Variants in MAFF observed in about 807,000 individuals in gnomAD.
MAFF encodes MAF bZIP transcription factor F.
In MAFF, 4 loss-of-function variants were observed where a neutral mutation model predicts 2.7. The ratio of observed to expected loss-of-function variants is 1.48; its 90% confidence interval spans 0.73 to 3.39. The LOEUF (loss-of-function observed/expected upper bound fraction) is 3.39, where lower values mean the gene tolerates loss of function less well. MAFF is among the 30% of genes most tolerant of loss of function. MAFF has a pLI of 0.01. For synonymous variants in MAFF, 113 were observed against 119.4 expected (o/e 0.95, Z 0.35); for missense variants, 190 against 246.6 (o/e 0.77, Z 1.54).
At chr22:38,206,225 A>G (rs1209183131) in intron 1 of MAFF, among the ~76,000 whole-genome samples, 1 of 151,990 alleles carries the variant, frequency 6.6e-6, no homozygotes, top group Non-Finnish European at 1.5e-5. Context: ...AGAAAGACTC[A>G]GGGGCTGTGG....
In MAFF at chr22:38,215,543, G is replaced by A. The variant is rs778103122; in HGVS notation, c.*665G>A. 1.2e-5 allele frequency: 2 copies of A among 167,282 alleles called. No homozygotes were observed. Among genetic ancestry groups the A allele is most frequent in the African/African-American group, 4.8e-5 (2 of 41,436 alleles). The allele number at this position is 167,282 out of a possible 1,614,324, so 10.4% of individuals were successfully genotyped here. The stretch of plus-strand genomic sequence containing the variant: ...GGACAGGGACTCAGAAATGTGGTGG[G>A]AGGGCCTCCCTGGCTTGGGAGACCG... On this transcript the variant is annotated 3_prime_UTR_variant, in exon 3 of 3. Coordinates refer to ENST00000338483, the MANE Select transcript of MAFF (RefSeq NM_012323.4).
rs533635093 is a variant in MAFF, at chr22:38,212,143, G to A, written c.-31-1680G>A. ...GCCTCTCAAATAGCTGGGACTACAG[G>A]CATGCACCACCACGCCTGGGCTAAT... On this transcript the variant is annotated intron_variant, in intron 1 of 2. Coordinates refer to ENST00000338483, the MANE Select transcript of MAFF (RefSeq NM_012323.4). Among the ~76,000 whole-genome samples the A allele has an allele frequency of 1.3e-4, 20 of 152,256 alleles. 1 individual carries two copies. In the South Asian group the frequency reaches 4.1e-3, roughly 32 times the overall value.
intron 1 of MAFF, chr22:38,203,980 C>G (rs1364290438): frequency 6.6e-6 from 1 of 152,212 alleles, no homozygotes; most frequent in Non-Finnish European, 1.5e-5. Flanking sequence ...AGCACAGGAA[C>G]CAGACAGGCC....
At chr22:38,204,726 G>C (rs996729535) in intron 1 of MAFF, among the ~76,000 whole-genome samples, 1 of 152,214 alleles carries the variant, frequency 6.6e-6, no homozygotes, top group Admixed American at 6.5e-5. Flanking sequence ...AACATTCAGG[G>C]ATAGTAGAAT....
At chr22:38,204,223 C>A (rs2091035897) in intron 1 of MAFF, among the ~76,000 whole-genome samples, 1 of 152,172 alleles carries the variant, frequency 6.6e-6, no homozygotes, top group South Asian at 2.1e-4. Context: ...TATAGCTCAG[C>A]AGCGGACACA....
At chr22:38,206,976 A>G (rs1370594017) in intron 1 of MAFF, among the ~76,000 whole-genome samples, 1 of 152,172 alleles carries the variant, frequency 6.6e-6, no homozygotes, top group African/African-American at 2.4e-5. Flanking sequence ...CTGGAGAATC[A>G]GAGCTGGGGT....
intron 1 of MAFF, among the ~76,000 whole-genome samples, chr22:38,208,866 G>C (rs1343427813): frequency 6.6e-6 from 1 of 152,038 alleles, no homozygotes; most frequent in Non-Finnish European, 1.5e-5. Context: ...TGGGGTGGGA[G>C]GTGGCTCAGA....
At chr22:38,209,814 AAAAAAAAAAAAAAAAAAAAAAGGG>A (rs1240948894) in intron 1 of MAFF, among the ~76,000 whole-genome samples, 1 of 25,486 alleles carries the variant, frequency 3.9e-5, no homozygotes. Context: ...ACTCCATCTC[AAAAAAAAAAAAAAAAAAAAAAGGG>A]AAAAAAAAAA....
intron 1 of MAFF, among the ~76,000 whole-genome samples, chr22:38,213,210 GA>G (rs2091115732): frequency 6.8e-6 from 1 of 146,070 alleles, no homozygotes; most frequent in African/African-American, 2.5e-5. Context: ...AAGAAAGAAA[GA>G]AAAAGAGAAA....
rs765060472 is a variant in MAFF at position 38,214,342 on chromosome 22, G to C, written c.37-78G>C. 3.7e-6 allele frequency: 5 copies of C among 1,363,590 alleles called. No individual in the cohort carries two copies. In the East Asian group the frequency reaches 1.2e-4, roughly 34 times the overall value. 84.5% of individuals were successfully genotyped at this position (1,363,590 alleles called of 1,614,324 possible). The stretch of plus-strand genomic sequence containing the variant: ...CACCCACCACCTCGGCGGCTAAGGC[G>C]GTGAAAGAGGAACACCGCGGGTGGA... On this transcript the variant is annotated intron_variant, in intron 2 of 2. Transcript: ENST00000338483. This position sits in a 1 kb window ranked among gnomAD's most constrained non-coding sequence, Gnocchi z 6.3.
intron 1 of MAFF, among the ~76,000 whole-genome samples, chr22:38,212,941 C>T (rs923520678): frequency 1.6e-4 from 24 of 152,036 alleles, no homozygotes; most frequent in Admixed American, 3.3e-4. Context: ...GCGGGTGGAT[C>T]ACCTGAGGTC....
Position 38,214,784 on chromosome 22 carries a change from C to A in MAFF, c.401C>A (p.Ala134Asp). 1 of 1,462,940 alleles carries A rather than the reference C, an allele frequency of 6.8e-7. No individual in the cohort carries two copies. Among genetic ancestry groups the A allele is most frequent in the Non-Finnish European group, 9.0e-7 (1 of 1,113,320 alleles). The allele number at this position is 1,462,940 out of a possible 1,614,324, so 90.6% of individuals were successfully genotyped here. Residue 134 changes from alanine (A) to aspartate (D), a missense_variant, in exon 3 of 3, where the codon GCC becomes GAC. By Grantham distance (126) the Ala-to-Asp change is moderately radical. This residue lies in a region of MAFF where 103 missense variants were observed against 103.0 expected (regional missense o/e 1.00). Transcript: ENST00000338483. The surrounding 1 kb of genome is among the most constrained non-coding windows in gnomAD (Gnocchi z 6.3). ...ARGPATLVAP[A>D]SVITIVKSTP... Reference sequence around the variant, plus strand: ...GGGCCCGCCACGCTCGTGGCGCCGGCCAGCGTCATCACCATCGTCAAGTCC... The same window carrying A: ...GGGCCCGCCACGCTCGTGGCGCCGGACAGCGTCATCACCATCGTCAAGTCC...
At chr22:38,211,795 AC>A (rs1380626832) in intron 1 of MAFF, among the ~76,000 whole-genome samples, 2 of 152,018 alleles carry the variant, frequency 1.3e-5, no homozygotes, top group African/African-American at 4.8e-5. Flanking sequence ...CCTGGGAGAC[AC>A]CCCGGTCCTG....
Position 38,215,691 on chromosome 22 carries a change from G to A in MAFF, c.*813G>A, listed in dbSNP as rs1017628264. Reference sequence around the variant, plus strand: ...CTGCAGCCAGGGTGTCCGGGGGCTGGCCAGTCAGAGAAAGGGGGCCATGGA... The same window carrying A: ...CTGCAGCCAGGGTGTCCGGGGGCTGACCAGTCAGAGAAAGGGGGCCATGGA... On this transcript the variant is annotated 3_prime_UTR_variant, in exon 3 of 3. Coordinates refer to ENST00000338483, the MANE Select transcript of MAFF (RefSeq NM_012323.4). 1 of 167,578 alleles carries A rather than the reference G, an allele frequency of 6.0e-6. No individual in the cohort carries two copies. The highest frequency in any genetic ancestry group is 1.5e-5 in the Non-Finnish European group (1 of 68,532). 10.4% of individuals were successfully genotyped at this position (167,578 alleles called of 1,614,324 possible). A position where few individuals can be genotyped will look rare whatever the true frequency, so the allele number is the denominator to read the frequency against.
rs1418296087 is a variant in MAFF, at chr22:38,214,751, C to T, written c.368C>T (p.Ala123Val). 7.1e-7 allele frequency: 1 copy of T among 1,406,780 alleles called. No individual in the cohort carries two copies. The highest frequency in any genetic ancestry group is 1.5e-5 in the South Asian group (1 of 65,382). 87.1% of individuals were successfully genotyped at this position (1,406,780 alleles called of 1,614,324 possible). A position where few individuals can be genotyped will look rare whatever the true frequency, so the allele number is the denominator to read the frequency against. Reference protein sequence around the residue: ...ALQGFARSVAAARGPATLVAP... With the variant: ...ALQGFARSVAVARGPATLVAP... ...CAGGGCTTCGCGCGCTCCGTGGCCG[C>T]CGCCCGCGGGCCCGCCACGCTCGTG... The change falls in exon 3 of 3, where the codon GCC (alanine) becomes GTC (valine). Residue 123 changes from alanine to valine, a missense_variant. Coordinates refer to ENST00000338483, the MANE Select transcript of MAFF (RefSeq NM_012323.4). This position sits in a 1 kb window ranked among gnomAD's most constrained non-coding sequence, Gnocchi z 6.3.
At position 38,214,753 on chromosome 22, in the gene MAFF, G is replaced by A. The variant is rs899693402; in HGVS notation, c.370G>A (p.Ala124Thr). ...LQGFARSVAA[A>T]RGPATLVAPA... is the part of the protein sequence containing the mutation. ...GGGCTTCGCGCGCTCCGTGGCCGCC[G>A]CCCGCGGGCCCGCCACGCTCGTGGC... The change falls in exon 3 of 3, where the codon GCC (alanine) becomes ACC (threonine). Residue 124 changes from alanine to threonine, a missense_variant. Transcript: ENST00000338483. The surrounding 1 kb of genome is among the most constrained non-coding windows in gnomAD (Gnocchi z 6.3). The A allele has an allele frequency of 5.9e-4, 834 of 1,403,970 alleles. 2 individuals carry two copies. Among genetic ancestry groups the A allele is most frequent in the Non-Finnish European group, 7.5e-4 (812 of 1,088,244 alleles). The allele number at this position is 1,403,970 out of a possible 1,614,324, so 87.0% of individuals were successfully genotyped here.
chr22:38,214,903 C>T lies in MAFF; in HGVS notation c.*25C>T, dbSNP rs982462754. On this transcript the variant is annotated 3_prime_UTR_variant, in exon 3 of 3. Transcript: ENST00000338483. This position sits in a 1 kb window ranked among gnomAD's most constrained non-coding sequence, Gnocchi z 6.3. ...GTGCCCGCCCCCGCCATGCCTCAGC[C>T]ACGCCCCTCCGGCCTCAGCTCCCTC... 1.3e-6 allele frequency: 2 copies of T among 1,495,202 alleles called. No homozygotes were observed. The highest frequency in any genetic ancestry group is 1.8e-6 in the Non-Finnish European group (2 of 1,106,646). 92.6% of individuals were successfully genotyped at this position (1,495,202 alleles called of 1,614,324 possible).
chr22:38,209,392 G>GT (rs1213852151), intron 1 of MAFF, among the ~76,000 whole-genome samples: 1 of 152,122 alleles, frequency 6.6e-6, no homozygotes, highest in Non-Finnish European at 1.5e-5. Flanking sequence ...AATCTGGCTG[G>GT]TGGCATGGTC....
intron 1 of MAFF, among the ~76,000 whole-genome samples, chr22:38,206,853 G>A (rs2091055749): frequency 6.6e-6 from 1 of 152,154 alleles, no homozygotes; most frequent in Admixed American, 6.5e-5. Flanking sequence ...TTTCTGTGTA[G>A]CTCAGGTGGC....
Sources: allele counts gnomAD v4.1 joint callset (sites outside exome capture counted in the v4.1 genomes callset), GRCh38; gene constraint gnomAD v4.1.1; regional missense constraint gnomAD v4.1.1; non-coding constraint Gnocchi (gnomAD v3.1); transcripts MANE v1.5; gene names NCBI Gene and HGNC (gene_info 2026-07-23, HGNC 2026-07-21).